The following ROBO2 variants were observed in gnomAD, a reference collection of about 807,000 sequenced individuals.
ROBO2 encodes roundabout guidance receptor 2.
Under a neutral mutation model 160.8 loss-of-function variants are expected in ROBO2, and 53 were observed. The ratio of observed to expected loss-of-function variants is 0.33; its 90% confidence interval spans 0.26 to 0.41. The LOEUF (loss-of-function observed/expected upper bound fraction) is 0.41. Among genes scored for constraint, ROBO2 ranks in the 10% least tolerant of loss-of-function variants. ROBO2 has a pLI of 1.00. For synonymous variants in ROBO2, 664 were observed against 611.7 expected (o/e 1.09, Z -1.26); for missense variants, 1,577 against 1,722.4 (o/e 0.92, Z 1.49).
At chr3:76,745,821 T>TTA (rs1264414019) in intron 2 of ROBO2, among the ~76,000 whole-genome samples, 1 of 149,200 alleles carries the variant, frequency 6.7e-6, no homozygotes, top group East Asian at 1.9e-4. Flanking sequence ...ATTTATTTAT[T>TTA]TATTTATTTA....
Position 76,471,180 on chromosome 3 carries a change from A to G in ROBO2, c.109+533578A>G, listed in dbSNP as rs184848129. On this transcript the variant is annotated intron_variant, in intron 2 of 26. Transcript: ENST00000487694. The stretch of plus-strand genomic sequence containing the variant: ...TAATCATTTTAAATTACTTGAGGGC[A>G]GCGACAAACTATTAGCCAATTTTAT... Among the ~76,000 whole-genome samples the G allele has an allele frequency of 6.6e-5, 10 of 152,234 alleles. No homozygotes were observed. The East Asian group carries it at 1.9e-3, about 29-fold the overall frequency.
In ROBO2 at chr3:75,923,163, G is replaced by C. The variant is rs1414034120; in HGVS notation, c.-13-14318G>C. 2.0e-5 allele frequency among the ~76,000 whole-genome samples: 3 copies of C among 152,126 alleles called. No homozygotes were observed. In the East Asian group the frequency reaches 5.8e-4, roughly 29 times the overall value. On this transcript the variant is annotated intron_variant, in intron 1 of 26. Coordinates refer to the ROBO2 transcript ENST00000487694. The stretch of plus-strand genomic sequence containing the variant: ...GGTTTTTTTTTAAAACATACACACA[G>C]TTTTTGATGCACATTTTTATTGGGA...
intron 2 of ROBO2, among the ~76,000 whole-genome samples, chr3:76,329,465 G>C (rs1395511805): frequency 6.6e-6 from 1 of 152,182 alleles, no homozygotes; most frequent in African/African-American, 2.4e-5. Context: ...TGATCCGCCC[G>C]CCTGGGCCTC....
intron 2 of ROBO2, among the ~76,000 whole-genome samples, chr3:76,667,696 GT>G (rs781011450): frequency 0.27 from 41,483 of 151,662 alleles, 6,192 homozygotes; most frequent in East Asian, 0.52. Flanking sequence ...ATTTTTAGCA[GT>G]GATCAGACTT....
intron 1 of ROBO2, among the ~76,000 whole-genome samples, chr3:77,055,555 ACCTTGATT>A (rs2065657889): frequency 6.6e-6 from 1 of 152,306 alleles, no homozygotes; most frequent in East Asian, 1.9e-4. Context: ...ATTTCTGCAT[ACCTTGATT>A]CCATGTGAGG....
At position 76,217,221 on chromosome 3, in the gene ROBO2, A is replaced by T. The variant is rs1575929633; in HGVS notation, c.109+279619A>T. On this transcript the variant is annotated intron_variant, in intron 2 of 26. Coordinates refer to the ROBO2 transcript ENST00000487694. The stretch of plus-strand genomic sequence containing the variant: ...CCACAAGAGAAAGCAGGAAAGATCT[A>T]AAATTGACACCCTAACATCACAATG... Among the ~76,000 whole-genome samples, 5 of 152,338 alleles carry T rather than the reference A, an allele frequency of 3.3e-5. No homozygotes were observed. The South Asian group carries it at 1.0e-3, about 32-fold the overall frequency.
chr3:76,398,503 A>C (rs1479094098), intron 2 of ROBO2, among the ~76,000 whole-genome samples: 1 of 151,700 alleles, frequency 6.6e-6, no homozygotes, highest in Non-Finnish European at 1.5e-5. Context: ...AAAAGAAAAA[A>C]TTCAAGCTGT....
chr3:76,907,787 G>A (rs1296618662), intron 2 of ROBO2, among the ~76,000 whole-genome samples: 7 of 151,044 alleles, frequency 4.6e-5, no homozygotes, highest in Non-Finnish European at 1.0e-4. Flanking sequence ...TGACCCTCAT[G>A]GATATTCATG....
chr3:76,792,239 G>T (rs539863326), intron 2 of ROBO2, among the ~76,000 whole-genome samples: 3 of 151,816 alleles, frequency 2.0e-5, no homozygotes, highest in South Asian at 4.1e-4. Context: ...ATGTCATAAA[G>T]TTTTTGCAAG....
chr3:76,943,537 G>A (rs552562200), intron 2 of ROBO2, among the ~76,000 whole-genome samples: 5 of 152,216 alleles, frequency 3.3e-5, no homozygotes, highest in South Asian at 2.1e-4. Context: ...CACTTAATAC[G>A]ATTGCTTCTT....
chr3:77,053,541 G>T (rs567055342), intron 1 of ROBO2, among the ~76,000 whole-genome samples: 1 of 152,228 alleles, frequency 6.6e-6, no homozygotes, highest in East Asian at 1.9e-4. Flanking sequence ...AGATAAAAAT[G>T]TAACGATTTG....
chr3:76,732,065 A>G (rs1478741378), intron 2 of ROBO2, among the ~76,000 whole-genome samples: 1 of 152,218 alleles, frequency 6.6e-6, no homozygotes, highest in African/African-American at 2.4e-5. Flanking sequence ...TTTAAATACC[A>G]TAATGAAATT....
intron 2 of ROBO2, among the ~76,000 whole-genome samples, chr3:77,231,098 C>T (rs1344234700): frequency 2.0e-5 from 3 of 152,126 alleles, no homozygotes; most frequent in Admixed American, 1.3e-4. Flanking sequence ...ATTGCGGTAG[C>T]TTACACCTGT....
chr3:76,411,018 A>AT (rs1227585154), intron 2 of ROBO2, among the ~76,000 whole-genome samples: 3 of 151,180 alleles, frequency 2.0e-5, no homozygotes, highest in African/African-American at 7.3e-5. Context: ...AGGGACCTGG[A>AT]TTTTTTTTTA....
intron 2 of ROBO2, among the ~76,000 whole-genome samples, chr3:76,736,495 A>C (rs2093715953): frequency 1.3e-5 from 2 of 152,162 alleles, no homozygotes; most frequent in Non-Finnish European, 1.5e-5. Flanking sequence ...TTCACACACA[A>C]AAAACTGATT....
chr3:77,050,125 G>A (rs1420115443), intron 1 of ROBO2, among the ~76,000 whole-genome samples: 2 of 152,132 alleles, frequency 1.3e-5, no homozygotes, highest in Admixed American at 6.5e-5. Context: ...CAGGGTTAGA[G>A]TAAATTAGGG....
intron 2 of ROBO2, among the ~76,000 whole-genome samples, chr3:76,360,144 G>C (rs1254830000): frequency 6.6e-6 from 1 of 152,038 alleles, no homozygotes; most frequent in Non-Finnish European, 1.5e-5. Context: ...GCTCCCTGAT[G>C]AGAAGCCAAT....
chr3:75,977,210 C>T (rs627410), intron 2 of ROBO2, among the ~76,000 whole-genome samples: 1 of 151,410 alleles, frequency 6.6e-6, no homozygotes, highest in African/African-American at 2.4e-5. Flanking sequence ...TCACAATTGT[C>T]CCTGGCAACA....
intron 2 of ROBO2, among the ~76,000 whole-genome samples, chr3:76,972,224 G>A (rs1367812117): frequency 6.6e-6 from 1 of 152,032 alleles, no homozygotes; most frequent in Admixed American, 6.6e-5. Flanking sequence ...CTTACTGCTT[G>A]TTGAGGTTCT....
Sources: allele counts gnomAD v4.1 joint callset (sites outside exome capture counted in the v4.1 genomes callset), GRCh38; gene constraint gnomAD v4.1.1; transcripts MANE v1.5; gene names NCBI Gene and HGNC (gene_info 2026-07-23, HGNC 2026-07-21).